Variants in FANCL observed in about 807,000 individuals in gnomAD.
FANCL encodes the protein E3 ubiquitin-protein ligase FANCL.
A neutral mutation model predicts 59.4 loss-of-function variants in FANCL; 69 were observed. That is an observed-to-expected ratio of 1.16 (90% CI 0.96 to 1.42). The LOEUF is 1.42. FANCL is among the 40% of genes most tolerant of loss of function. The pLI, the probability that FANCL is intolerant of heterozygous loss-of-function variation, is 0.00. For synonymous variants in FANCL, 180 were observed against 147.1 expected, an observed-to-expected ratio of 1.22 and a Z score of -1.62; for missense variants, 519 against 447.2, an observed-to-expected ratio of 1.16 and a Z score of -1.45.
At chr2:58,232,649 C>A (rs1693689386) in intron 1 of FANCL, among the ~76,000 whole-genome samples, 1 of 151,788 alleles carries the variant, frequency 6.6e-6, no homozygotes, top group African/African-American at 2.4e-5. Flanking sequence ...TTTAATTCTC[C>A]CATTAGTGGG....
rs1466775407 is a variant in FANCL, at chr2:58,159,400, G to T, written c.*365C>A. On this transcript the variant is annotated 3_prime_UTR_variant, in exon 14 of 14. Transcript: ENST00000233741. ...TCAAGAGTCTCAAGAACCTTTGAAT[G>T]AAGTAAACAGTTTCCCACAAAAAAT... The T allele has an allele frequency of 2.5e-6, 4 of 1,613,218 alleles. No homozygotes were observed. Among genetic ancestry groups the T allele is most frequent in the Middle Eastern group, 1.6e-4 (1 of 6,080 alleles).
At chr2:58,212,579 T>C (rs1338971751) in intron 5 of FANCL, among the ~76,000 whole-genome samples, 1 of 152,212 alleles carries the variant, frequency 6.6e-6, no homozygotes, top group Non-Finnish European at 1.5e-5. Context: ...AAGTATTTGG[T>C]ACTTTCAACT....
chr2:58,161,764 T>C, intron 11 of FANCL, 126 bp from the exon 12 acceptor site: 2 of 676,238 alleles, frequency 3.0e-6, no homozygotes, highest in Middle Eastern at 4.1e-4. Context: ...ATCAGGATAA[T>C]TAAGATATTC....
intron 7 of FANCL, among the ~76,000 whole-genome samples, chr2:58,178,196 T>C (rs963445132): frequency 1.3e-5 from 2 of 152,076 alleles, no homozygotes; most frequent in African/African-American, 4.8e-5. Flanking sequence ...TCTGAAACTA[T>C]TTCAAACAGA....
rs758337132 is a variant in FANCL at position 58,222,033 on chromosome 2, AG to A, written c.282del (p.Leu95Ter). 1 of 1,612,562 alleles carries A rather than the reference AG, an allele frequency of 6.2e-7. No homozygotes were observed. Among genetic ancestry groups the A allele is most frequent in the East Asian group, 2.2e-5 (1 of 44,770 alleles). ...MMELKMLLEV[A>X]LKNRQELYAL... ...GCATACAGCTCTTGTCTATTCTTTA[AG>A]GCAACTTCCTGTTTAAAAGAAGAAA... On this transcript the variant is annotated frameshift_variant, in exon 5 of 14. Transcript: ENST00000233741. LOFTEE classifies it high-confidence loss of function.
chr2:58,228,267 C>T (rs189619087), intron 3 of FANCL, among the ~76,000 whole-genome samples: 1 of 152,154 alleles, frequency 6.6e-6, no homozygotes, highest in East Asian at 1.9e-4. Flanking sequence ...CCTAGAAATC[C>T]TTCATTCTTA....
intron 7 of FANCL, among the ~76,000 whole-genome samples, chr2:58,172,312 G>C (rs1345072656): frequency 1.3e-5 from 2 of 152,212 alleles, no homozygotes; most frequent in Non-Finnish European, 2.9e-5. Flanking sequence ...GTGGGTTCTT[G>C]ACCCCTGACC....
chr2:58,229,072 C>T (rs1294128341), intron 3 of FANCL, among the ~76,000 whole-genome samples: 1 of 152,070 alleles, frequency 6.6e-6, no homozygotes, highest in African/African-American at 2.4e-5. Flanking sequence ...AGTTTATCTC[C>T]TATACTTCTT....
chr2:58,240,488 G>C (rs1694422777), intron 1 of FANCL, among the ~76,000 whole-genome samples: 1 of 152,164 alleles, frequency 6.6e-6, no homozygotes, highest in Non-Finnish European at 1.5e-5. Context: ...AGCAAATAAC[G>C]TCTCCGGTTT....
At chr2:58,224,761 C>G (rs1198686096) in intron 4 of FANCL, among the ~76,000 whole-genome samples, 1 of 151,832 alleles carries the variant, frequency 6.6e-6, no homozygotes, top group Non-Finnish European at 1.5e-5. Flanking sequence ...AAAAACCATA[C>G]TACAATGATG....
At chr2:58,215,764 A>C (rs1691656150) in intron 5 of FANCL, among the ~76,000 whole-genome samples, 2 of 151,892 alleles carry the variant, frequency 1.3e-5, no homozygotes, top group South Asian at 4.1e-4. Context: ...GAAAAATAAC[A>C]GACTGGAAAG....
intron 6 of FANCL, among the ~76,000 whole-genome samples, chr2:58,199,997 C>T (rs1026801189): frequency 2.6e-5 from 4 of 151,170 alleles, no homozygotes; most frequent in Admixed American, 2.0e-4. Context: ...AAAAGATTTA[C>T]TATCAATATA....
chr2:58,204,499 T>C (rs1032951006), intron 5 of FANCL, among the ~76,000 whole-genome samples: 22 of 152,118 alleles, frequency 1.4e-4, no homozygotes, highest in Admixed American at 3.9e-4. Flanking sequence ...GTTTCAGTTT[T>C]CCATCACTGG....
intron 1 of FANCL, among the ~76,000 whole-genome samples, chr2:58,235,137 AG>A (rs1391272249): frequency 1.3e-5 from 2 of 152,006 alleles, no homozygotes; most frequent in East Asian, 3.9e-4. Flanking sequence ...ACAATTCGCA[AG>A]GTATAGTACC....
At position 58,163,504 on chromosome 2, in the gene FANCL, G is replaced by T; in HGVS notation, c.705C>A (p.Ser235=). 6.3e-7 allele frequency: 1 copy of T among 1,598,078 alleles called. No homozygotes were observed. Among genetic ancestry groups the T allele is most frequent in the Non-Finnish European group, 8.6e-7 (1 of 1,165,844 alleles). The change falls in exon 9 of 14, where the codon TCC becomes TCA. Residue 235 remains serine (S), a synonymous_variant. Transcript: ENST00000233741. ...GCCTGGGGTCTACCTCTATATTTATGGAAACATTATTACCTAGAATGAAAC... is the reference window on the plus strand; with the variant it reads ...GCCTGGGGTCTACCTCTATATTTATTGAAACATTATTACCTAGAATGAAAC... ...ARRIALGNNV[S]INIEVDPRHP...
intron 11 of FANCL, 67 bp downstream of exon 11, chr2:58,162,799 C>G: frequency 3.0e-6 from 4 of 1,349,618 alleles, no homozygotes; most frequent in Non-Finnish European, 4.2e-6. Context: ...TCATTTTTCA[C>G]TGAGAGAAGC....
intron 6 of FANCL, among the ~76,000 whole-genome samples, chr2:58,202,727 T>C (rs1170268699): frequency 1.3e-5 from 2 of 151,878 alleles, no homozygotes; most frequent in South Asian, 2.1e-4. Context: ...CCATATTAAA[T>C]TGTCACAACC....
intron 5 of FANCL, among the ~76,000 whole-genome samples, chr2:58,211,763 G>A (rs1025448023): frequency 2.0e-5 from 3 of 152,186 alleles, no homozygotes; most frequent in African/African-American, 7.2e-5. Flanking sequence ...TAGGGCAGGG[G>A]CAAAATACCA....
chr2:58,241,240 T>C lies in FANCL; in HGVS notation c.74A>G (p.Tyr25Cys). 1.2e-6 allele frequency: 2 copies of C among 1,614,246 alleles called. No individual in the cohort carries two copies. Among genetic ancestry groups the C allele is most frequent in the Non-Finnish European group, 1.7e-6 (2 of 1,180,036 alleles). ...TACCTGAGCCGAGATGAATCCCTCA[T>C]ACACGGTTTTCGACCGGTTCTGGGG... ...LLPQNRSKTV[Y>C]EGFISAQGRD... The change falls in exon 1 of 14, where the codon TAT becomes TGT. Residue 25 changes from tyrosine to cysteine, a missense_variant. Physicochemically the swap from Tyr to Cys is radical, Grantham distance 194 (BLOSUM62 -2). Coordinates refer to ENST00000233741, the MANE Select transcript of FANCL (RefSeq NM_018062.4).
Sources: allele counts gnomAD v4.1 joint callset (sites outside exome capture counted in the v4.1 genomes callset), GRCh38; gene constraint gnomAD v4.1.1; transcripts MANE v1.5; gene names NCBI Gene and HGNC (gene_info 2026-07-23, HGNC 2026-07-21).